The following GPC5 variants were observed in gnomAD, a reference collection of about 807,000 sequenced individuals.
GPC5 encodes the protein glypican 5, also known as glypican-5.
GPC5 carries 47 observed loss-of-function variants against 53.9 expected under a neutral mutation model. The ratio of observed to expected loss-of-function variants is 0.87; its 90% CI spans 0.69 to 1.11. GPC5 has a LOEUF of 1.11. Among genes scored for constraint, GPC5 ranks in the 50% most tolerant of loss-of-function variants. The pLI is 0.00. For synonymous variants in GPC5, 286 were observed against 263.3 expected, an observed-to-expected ratio of 1.09 and a Z score of -0.84; for missense variants, 748 against 713.1, an observed-to-expected ratio of 1.05 and a Z score of -0.56.
chr13:92,524,974 G>T (rs532385121), intron 7 of GPC5, among the ~76,000 whole-genome samples: 1 of 152,060 alleles, frequency 6.6e-6, no homozygotes, highest in Non-Finnish European at 1.5e-5. Context: ...GTTTCTAAGT[G>T]TATTGAAAAA....
intron 7 of GPC5, among the ~76,000 whole-genome samples, chr13:92,625,399 C>T (rs1885014756): frequency 6.6e-6 from 1 of 152,056 alleles, no homozygotes; most frequent in African/African-American, 2.4e-5. Context: ...GACTATATAA[C>T]ATCTGAGTTG....
intron 7 of GPC5, among the ~76,000 whole-genome samples, chr13:92,294,346 A>G (rs2043018800): frequency 6.6e-6 from 1 of 151,860 alleles, no homozygotes; most frequent in African/African-American, 2.4e-5. Flanking sequence ...GTTGTTGTTG[A>G]TAATTTTTAA....
intron 1 of GPC5, among the ~76,000 whole-genome samples, chr13:91,399,847 A>G (rs528392872): frequency 6.6e-6 from 1 of 152,188 alleles, no homozygotes; most frequent in East Asian, 1.9e-4. Flanking sequence ...TAGCCTGAAA[A>G]GTGTTAGGGC....
At chr13:92,554,163 G>T (rs1257229727) in intron 7 of GPC5, among the ~76,000 whole-genome samples, 1 of 151,870 alleles carries the variant, frequency 6.6e-6, no homozygotes, top group Non-Finnish European at 1.5e-5. Context: ...GATAACAAAG[G>T]TGGAAGTTGT....
chr13:92,313,327 C>T (rs9584013), intron 7 of GPC5, among the ~76,000 whole-genome samples: 1 of 152,094 alleles, frequency 6.6e-6, no homozygotes, highest in East Asian at 1.9e-4. Flanking sequence ...GGGAACCATG[C>T]TGAGAAGAGT....
chr13:91,955,286 G>A (rs1033499385), intron 6 of GPC5, among the ~76,000 whole-genome samples: 13 of 152,258 alleles, frequency 8.5e-5, no homozygotes, highest in African/African-American at 2.6e-4. Context: ...ATTTTAAGAA[G>A]TACAAAGTTA....
At chr13:92,465,546 G>C (rs1878657825) in intron 7 of GPC5, among the ~76,000 whole-genome samples, 2 of 151,952 alleles carry the variant, frequency 1.3e-5, no homozygotes, top group African/African-American at 4.8e-5. Context: ...TATCTTATAG[G>C]AGAGTCAACA....
At chr13:92,566,552 T>G (rs1302843285) in intron 7 of GPC5, among the ~76,000 whole-genome samples, 1 of 152,036 alleles carries the variant, frequency 6.6e-6, no homozygotes, top group Non-Finnish European at 1.5e-5. Flanking sequence ...GGCTAATGGA[T>G]TTTAAGTCAG....
chr13:92,195,641 T>C (rs2042251707), intron 7 of GPC5, among the ~76,000 whole-genome samples: 1 of 152,160 alleles, frequency 6.6e-6, no homozygotes, highest in East Asian at 1.9e-4. Flanking sequence ...ACCACTGATT[T>C]AGAATCATAA....
chr13:91,563,343 A>G (rs1450258551), intron 2 of GPC5, among the ~76,000 whole-genome samples: 2 of 152,156 alleles, frequency 1.3e-5, no homozygotes, highest in Non-Finnish European at 2.9e-5. Flanking sequence ...TAATATCGGG[A>G]ATTATGATTT....
chr13:91,661,341 G>A (rs2034982923), intron 2 of GPC5, among the ~76,000 whole-genome samples: 1 of 152,204 alleles, frequency 6.6e-6, no homozygotes, highest in Non-Finnish European at 1.5e-5. Flanking sequence ...TTCGATACCT[G>A]GTAACCCTGG....
At chr13:91,914,760 T>TACACAC (rs966851305) in intron 6 of GPC5, among the ~76,000 whole-genome samples, 3 of 129,362 alleles carry the variant, frequency 2.3e-5, no homozygotes, top group African/African-American at 8.5e-5. Flanking sequence ...AGGTAGTGTT[T>TACACAC]ACACACACAC....
chr13:92,013,656 G>A (rs1468392601), intron 6 of GPC5, among the ~76,000 whole-genome samples: 1 of 151,872 alleles, frequency 6.6e-6, no homozygotes, highest in Non-Finnish European at 1.5e-5. Context: ...ACCTGCCCCT[G>A]TCTGCCTTAA....
At chr13:92,113,400 T>C (rs1011130028) in intron 6 of GPC5, among the ~76,000 whole-genome samples, 8 of 152,262 alleles carry the variant, frequency 5.3e-5, no homozygotes, top group Admixed American at 3.9e-4. Context: ...TATATATTTG[T>C]GGATATCTTT....
chr13:92,220,269 A>T (rs2042439385), intron 7 of GPC5, among the ~76,000 whole-genome samples: 1 of 152,138 alleles, frequency 6.6e-6, no homozygotes, highest in Non-Finnish European at 1.5e-5. Context: ...GATAAAAAAA[A>T]ATCCTGCCCT....
At chr13:92,844,805 A>G (rs1878557423) in intron 7 of GPC5, among the ~76,000 whole-genome samples, 1 of 152,338 alleles carries the variant, frequency 6.6e-6, no homozygotes, top group East Asian at 1.9e-4. Context: ...CAGGAAGCCA[A>G]CAAATGTTTA....
chr13:92,841,347 A>G (rs1053047285), intron 7 of GPC5, among the ~76,000 whole-genome samples: 8 of 152,166 alleles, frequency 5.3e-5, no homozygotes, highest in Admixed American at 4.6e-4. Context: ...TTTTCCATGA[A>G]GCAGCAGAAG....
chr13:91,653,077 C>A (rs946547396), intron 2 of GPC5, among the ~76,000 whole-genome samples: 2 of 152,192 alleles, frequency 1.3e-5, no homozygotes, highest in African/African-American at 2.4e-5. Flanking sequence ...TTCAGTTTGT[C>A]TGATGTCATC....
chr13:91,600,081 C>T (rs188675345), intron 2 of GPC5, among the ~76,000 whole-genome samples: 76 of 152,206 alleles, frequency 5.0e-4, no homozygotes, highest in Admixed American at 1.0e-3. Flanking sequence ...CCACCACACC[C>T]AGCTAATTTT....
Sources: allele counts gnomAD v4.1 joint callset (sites outside exome capture counted in the v4.1 genomes callset), GRCh38; gene constraint gnomAD v4.1.1; transcripts MANE v1.5; gene names NCBI Gene and HGNC (gene_info 2026-07-23, HGNC 2026-07-21).